The following DNMBP variants were observed in gnomAD, a reference collection of about 807,000 sequenced individuals.
DNMBP encodes the protein dynamin binding protein, also known as dynamin-binding protein.
A neutral mutation model predicts 150.0 loss-of-function variants in DNMBP; 87 were observed. That is an observed-to-expected ratio of 0.58 (90% CI 0.49 to 0.69). The LOEUF is 0.69. DNMBP is among the 30% of genes least tolerant of loss of function. The pLI is 0.00. For missense variants in DNMBP, 1,774 were observed against 1,949.0 expected, an observed-to-expected ratio of 0.91 and a Z score of 1.69; for synonymous variants, 711 against 750.4, an observed-to-expected ratio of 0.95 and a Z score of 0.86.
At position 99,885,277 on chromosome 10, in the gene DNMBP, G is replaced by A. The variant is rs577181120; in HGVS notation, c.3798+410C>T. 2.5e-4 allele frequency among the ~76,000 whole-genome samples: 38 copies of A among 152,228 alleles called. 1 individual carries two copies. The highest frequency in any genetic ancestry group is 5.1e-4 in the Non-Finnish European group (35 of 68,038). ...TGTAATCCCAGCACTTTGGGAGGCT[G>A]AGGCGGACAGATCACAAGGTCAAGA... On this transcript the variant is annotated intron_variant, in intron 14 of 16. Coordinates refer to ENST00000324109, the MANE Select transcript of DNMBP (RefSeq NM_015221.4).
At chr10:99,888,763 G>A (rs2039510806) in intron 12 of DNMBP, 62 bp downstream of exon 12, 1 of 1,602,128 alleles carries the variant, frequency 6.2e-7, no homozygotes. Context: ...TGACTTGCAT[G>A]AGCTGATGTA....
chr10:99,973,147 G>A (rs1357299930), intron 1 of DNMBP, among the ~76,000 whole-genome samples: 1 of 152,022 alleles, frequency 6.6e-6, no homozygotes. Context: ...ACCCAGGCTA[G>A]TGTTGAACTC....
chr10:99,950,599 G>A (rs1229232056), intron 4 of DNMBP, among the ~76,000 whole-genome samples: 3 of 152,326 alleles, frequency 2.0e-5, no homozygotes, highest in South Asian at 4.1e-4. Flanking sequence ...TGAGGAACTT[G>A]TTGGGAACTG....
At chr10:99,908,153 CATCTT>C (rs2039850137) in intron 5 of DNMBP, 59 bp from the exon 6 acceptor site, 10 of 1,227,908 alleles carry the variant, frequency 8.1e-6, no homozygotes, top group Non-Finnish European at 1.2e-5. Flanking sequence ...GCATTTCAAT[CATCTT>C]AGGAACAGCT....
intron 4 of DNMBP, among the ~76,000 whole-genome samples, chr10:99,919,337 A>AT (rs1327569877): frequency 6.6e-6 from 1 of 151,982 alleles, no homozygotes; most frequent in Non-Finnish European, 1.5e-5. Context: ...ATAACCCTCT[A>AT]TTTTTCTCTC....
chr10:99,898,138 C>G lies in DNMBP; in HGVS notation c.2868G>C (p.Ala956=). 1 of 1,613,958 alleles carries G rather than the reference C, an allele frequency of 6.2e-7. No individual in the cohort carries two copies. The highest frequency in any genetic ancestry group is 1.1e-5 in the South Asian group (1 of 91,052). ...DKVPLTNAVL[A]VKEINVNINE... is the part of the protein sequence containing the mutation. ...TAATGTTAACGTTGATTTCCTTGAC[C>G]GCAAGGACTGCATTGGTTAAAGGCA... Residue 956 remains alanine (A), a synonymous_variant, in exon 9 of 17, where the codon GCG becomes GCC. Coordinates refer to ENST00000324109, the MANE Select transcript of DNMBP (RefSeq NM_015221.4).
intron 3 of DNMBP, among the ~76,000 whole-genome samples, chr10:99,963,925 C>T (rs1472434255): frequency 6.6e-6 from 1 of 152,068 alleles, no homozygotes; most frequent in Admixed American, 6.6e-5. Flanking sequence ...ACATTCATGG[C>T]ATCACAAATT....
chr10:99,934,161 GA>G lies in DNMBP; in HGVS notation c.2260+21052del, dbSNP rs1402450269. Among the ~76,000 whole-genome samples the G allele has an allele frequency of 3.3e-5, 5 of 152,292 alleles. No homozygotes were observed. The South Asian group carries it at 8.3e-4, about 25-fold the overall frequency. On this transcript the variant is annotated intron_variant, in intron 4 of 16. Transcript: ENST00000324109. ...TGAAACCAAATAATATCAAATTTGT[GA>G]AAATGTTGGGCACCTCTCTCTAAGT...
rs139962333 is a variant in DNMBP, at chr10:99,877,164, G to A, written c.4721C>T (p.Thr1574Ile). The change falls in exon 17 of 17, where the codon ACC becomes ATC. Residue 1574 changes from threonine to isoleucine, a missense_variant. Thr to Ile is a moderately conservative substitution (Grantham distance 89). Coordinates refer to ENST00000324109, the MANE Select transcript of DNMBP (RefSeq NM_015221.4). ...GGCAACGTGGGCTCAGGTGTACTCG[G>A]TTTTGCGGATATAATTGGAGGGAAC... The part of the protein sequence containing the change: ...GYVPSNYIRK[T>I]EYT The A allele has an allele frequency of 3.8e-5, 62 of 1,610,474 alleles. No homozygotes were observed. Among genetic ancestry groups the A allele is most frequent in the Non-Finnish European group, 5.1e-5 (60 of 1,178,590 alleles).
intron 1 of DNMBP, among the ~76,000 whole-genome samples, chr10:99,972,972 G>C (rs147892277): frequency 0.025 from 3,772 of 152,242 alleles, 92 homozygotes; most frequent in African/African-American, 0.066. Context: ...AGTAGAGACA[G>C]GGTTTTGCCA....
chr10:99,913,856 T>C, intron 4 of DNMBP: 3 of 1,231,038 alleles, frequency 2.4e-6, no homozygotes, highest in African/African-American at 1.6e-5. Context: ...GGGGAAAATT[T>C]TGAGCTCCCG....
chr10:99,905,886 C>T (rs2039819155), intron 6 of DNMBP, among the ~76,000 whole-genome samples: 1 of 152,164 alleles, frequency 6.6e-6, no homozygotes. Flanking sequence ...GAGAAGATTG[C>T]TTGACCTGGG....
At chr10:99,899,626 A>C (rs1426068026) in intron 7 of DNMBP, among the ~76,000 whole-genome samples, 2 of 70,012 alleles carry the variant, frequency 2.9e-5, no homozygotes, top group African/African-American at 1.2e-4. Flanking sequence ...GGTGAGAGTG[A>C]GACTCCGTCT....
Position 99,956,128 on chromosome 10 carries a change from A to C in DNMBP, c.1346T>G (p.Leu449Arg). Residue 449 changes from leucine to arginine, a missense_variant, in exon 4 of 17, where the codon CTA becomes CGA. Physicochemically the swap from Leu to Arg is moderately radical, Grantham distance 102. Coordinates refer to ENST00000324109, the MANE Select transcript of DNMBP (RefSeq NM_015221.4). ...HSEQYPDLLP[L>R]EARTRDYASL... ...GGCATAGTCTCTAGTCCTTGCTTCTAGGGGAAGAAGGTCGGGGTACTGTTC... is the reference window on the plus strand; with the variant it reads ...GGCATAGTCTCTAGTCCTTGCTTCTCGGGGAAGAAGGTCGGGGTACTGTTC... The C allele has an allele frequency of 3.1e-6, 5 of 1,614,108 alleles. No homozygotes were observed. Among genetic ancestry groups the C allele is most frequent in the Non-Finnish European group, 4.2e-6 (5 of 1,180,004 alleles).
At chr10:99,996,634 A>C in intron 1 of DNMBP, among the ~76,000 whole-genome samples, 1 of 152,358 alleles carries the variant, frequency 6.6e-6, no homozygotes, top group East Asian at 1.9e-4. Flanking sequence ...TAAAAGTATT[A>C]AGTAGGGTTA....
At chr10:99,925,328 T>G (rs551045439) in intron 4 of DNMBP, among the ~76,000 whole-genome samples, 22 of 152,318 alleles carry the variant, frequency 1.4e-4, no homozygotes, top group African/African-American at 5.1e-4. Flanking sequence ...ACATTTCAAT[T>G]TCTCTGAGCT....
At chr10:100,000,922 C>T (rs977443749) in intron 1 of DNMBP, among the ~76,000 whole-genome samples, 1 of 138,078 alleles carries the variant, frequency 7.2e-6, no homozygotes, top group East Asian at 2.4e-4. Context: ...ATTTCAGTTT[C>T]AACACCAAAG....
chr10:99,877,109 T>A lies in DNMBP; in HGVS notation c.*42A>T, dbSNP rs2039286331. 1.3e-6 allele frequency: 2 copies of A among 1,563,558 alleles called. No homozygotes were observed. The highest frequency in any genetic ancestry group is 2.3e-5 in the East Asian group (1 of 43,394). ...TGGGCCGCCAGAACCCTCGGCGGAC[T>A]GAAAGCAAAGGCAGCAAGGCTGGGT... On this transcript the variant is annotated 3_prime_UTR_variant, in exon 17 of 17. Coordinates refer to ENST00000324109, the MANE Select transcript of DNMBP (RefSeq NM_015221.4).
Position 99,988,858 on chromosome 10 carries a change from T to C in DNMBP, c.-10-16724A>G, listed in dbSNP as rs994437862. Among the ~76,000 whole-genome samples the C allele has an allele frequency of 6.6e-4, 100 of 152,040 alleles. 3 individuals are homozygous for C. The highest frequency in any genetic ancestry group is 3.4e-3 in the Middle Eastern group (1 of 294). ...TGTATTTTTAGTAGAGATGGGGTTT[T>C]ACCATGTTGGCCAGGCTGGTCTCAA... is the stretch of plus-strand genomic sequence containing the variant. On this transcript the variant is annotated intron_variant, in intron 1 of 16. Transcript: ENST00000324109.
Sources: allele counts gnomAD v4.1 joint callset (sites outside exome capture counted in the v4.1 genomes callset), GRCh38; gene constraint gnomAD v4.1.1; transcripts MANE v1.5; gene names NCBI Gene and HGNC (gene_info 2026-07-23, HGNC 2026-07-21).